Variants in SH2D4B observed in about 807,000 individuals in gnomAD.
SH2D4B encodes SH2 domain-containing protein 4B.
In SH2D4B, 45 loss-of-function variants were observed where a neutral mutation model predicts 61.5. The ratio of observed to expected loss-of-function variants is 0.73; its 90% CI spans 0.58 to 0.94. The LOEUF (loss-of-function observed/expected upper bound fraction) is 0.94. Among genes scored for constraint, SH2D4B ranks in the 40% least tolerant of loss-of-function variants. SH2D4B has a pLI of 0.00. For synonymous variants in SH2D4B, 224 were observed against 220.4 expected, an observed-to-expected ratio of 1.02 and a Z score of -0.14; for missense variants, 572 against 574.2, an observed-to-expected ratio of 1.00 and a Z score of 0.04.
chr10:80,605,165 CT>C (rs34324568), intron 5 of SH2D4B, among the ~76,000 whole-genome samples: 7 of 149,384 alleles, frequency 4.7e-5, no homozygotes, highest in South Asian at 4.2e-4. Flanking sequence ...TATTCCTCCT[CT>C]TTTTTTTTTG....
intron 6 of SH2D4B, among the ~76,000 whole-genome samples, chr10:80,622,530 C>G (rs1180059451): frequency 1.3e-5 from 2 of 152,208 alleles, no homozygotes; most frequent in Non-Finnish European, 2.9e-5. Flanking sequence ...CAGGCTCTGT[C>G]CCTTCCCCAT....
Position 80,603,570 on chromosome 10 carries a change from T to C in SH2D4B, c.644-9T>C. The C allele has an allele frequency of 6.5e-7, 1 of 1,537,094 alleles. No homozygotes were observed. The highest frequency in any genetic ancestry group is 1.2e-5 in the South Asian group (1 of 83,042). ...GATCTGGGCTAACGTGCTGTCTTCC[T>C]CTTTCCAGTGCGCCGGTCCAAGGCG... On this transcript the variant is annotated splice_polypyrimidine_tract_variant and intron_variant, in intron 4 of 7. Transcript: ENST00000646907.
At chr10:80,556,881 A>T (rs549871309) in intron 1 of SH2D4B, among the ~76,000 whole-genome samples, 5 of 152,194 alleles carry the variant, frequency 3.3e-5, no homozygotes, top group African/African-American at 1.2e-4. Context: ...AATATTCACA[A>T]CTTTTATTTA....
chr10:80,560,137 G>T (rs536212031), intron 1 of SH2D4B, among the ~76,000 whole-genome samples: 5 of 151,040 alleles, frequency 3.3e-5, no homozygotes, highest in Non-Finnish European at 7.4e-5. Context: ...ACAGGTGCCC[G>T]CCACCTCGCC....
intron 3 of SH2D4B, among the ~76,000 whole-genome samples, chr10:80,578,021 A>G (rs146614299): frequency 6.6e-6 from 1 of 151,412 alleles, no homozygotes; most frequent in Non-Finnish European, 1.5e-5. Flanking sequence ...CCCAGGCCAG[A>G]GTGCAGTGGC....
At chr10:80,629,180 T>C (rs73309290) in intron 6 of SH2D4B, among the ~76,000 whole-genome samples, 5,943 of 152,168 alleles carry the variant, frequency 0.039, 295 homozygotes, top group African/African-American at 0.12. Context: ...CTCAGGAAGC[T>C]TCCTATCCAT....
intron 4 of SH2D4B, 77 bp from the exon 5 acceptor site, chr10:80,603,502 A>G (rs1273653184): frequency 1.0e-5 from 14 of 1,351,304 alleles, no homozygotes; most frequent in Non-Finnish European, 1.0e-5. Context: ...CACCAACCAA[A>G]TACTTCCTGT....
intron 3 of SH2D4B, among the ~76,000 whole-genome samples, chr10:80,582,311 T>G (rs1842192431): frequency 6.6e-6 from 1 of 152,204 alleles, no homozygotes; most frequent in African/African-American, 2.4e-5. Context: ...CAGCCAGGGT[T>G]GCCCCTAGGG....
At chr10:80,633,987 T>C (rs1273494028) in intron 6 of SH2D4B, among the ~76,000 whole-genome samples, 7 of 152,236 alleles carry the variant, frequency 4.6e-5, no homozygotes, top group African/African-American at 1.4e-4. Flanking sequence ...AATTCCTTGC[T>C]TACCCAATTA....
intron 7 of SH2D4B, among the ~76,000 whole-genome samples, chr10:80,641,829 A>G (rs1229364365): frequency 6.6e-6 from 1 of 152,210 alleles, no homozygotes; most frequent in Non-Finnish European, 1.5e-5. Flanking sequence ...TCTAACACTA[A>G]GGAGAGATAT....
chr10:80,579,281 A>G (rs1030318722), intron 3 of SH2D4B, among the ~76,000 whole-genome samples: 6 of 152,160 alleles, frequency 3.9e-5, no homozygotes, highest in African/African-American at 1.4e-4. Context: ...CAGAATCTTT[A>G]TATTGGGTTA....
intron 1 of SH2D4B, among the ~76,000 whole-genome samples, chr10:80,541,767 G>A (rs559627437): frequency 1.3e-5 from 2 of 152,318 alleles, no homozygotes; most frequent in South Asian, 4.1e-4. Flanking sequence ...CACTGGTGAT[G>A]TGAATCATTC....
At chr10:80,554,792 A>G (rs562495555) in intron 1 of SH2D4B, among the ~76,000 whole-genome samples, 3 of 152,072 alleles carry the variant, frequency 2.0e-5, no homozygotes, top group Admixed American at 1.3e-4. Context: ...GGTGGATCAC[A>G]AGGTCAGGAG....
intron 3 of SH2D4B, among the ~76,000 whole-genome samples, chr10:80,572,987 T>TATATATATGTA (rs1491317353): frequency 4.4e-4 from 2 of 4,546 alleles, no homozygotes; most frequent in African/African-American, 1.5e-3. Flanking sequence ...TATATATATA[T>TATATATATGTA]TTTTTTTTTT....
chr10:80,570,291 G>A lies in SH2D4B; in HGVS notation c.322G>A (p.Ala108Thr). The change falls in exon 2 of 8, where the codon GCA becomes ACA. Residue 108 changes from alanine (A) to threonine (T), a missense_variant. Transcript: ENST00000646907. ...GATTGCAGAGAGGGCGCGGCTGCAGGCACAGAGGGAAGCTGAGGAGCTCTG... is the reference window on the plus strand; with the variant it reads ...GATTGCAGAGAGGGCGCGGCTGCAGACACAGAGGGAAGCTGAGGAGCTCTG... ...ELIAERARLQ[A>T]QREAEELWRQ... 5.0e-6 allele frequency: 8 copies of A among 1,613,490 alleles called. No individual in the cohort carries two copies. The highest frequency in any genetic ancestry group is 6.8e-6 in the Non-Finnish European group (8 of 1,179,960).
intron 6 of SH2D4B, among the ~76,000 whole-genome samples, chr10:80,613,202 T>G (rs1842620832): frequency 6.6e-6 from 1 of 152,216 alleles, no homozygotes; most frequent in African/African-American, 2.4e-5. Flanking sequence ...AGAGTGATAG[T>G]AATTCCTTGT....
rs1842290041 is a variant in SH2D4B, at chr10:80,588,776, G to T, written c.642G>T (p.Gln214His). The T allele has an allele frequency of 6.2e-7, 1 of 1,613,944 alleles. No individual in the cohort carries two copies. The highest frequency in any genetic ancestry group is 1.3e-5 in the African/African-American group (1 of 75,046). Residue 214 changes from glutamine to histidine, a missense_variant and splice_region_variant, in exon 4 of 8, where the codon CAG becomes CAT. By Grantham distance (24) the Gln-to-His change is conservative. Coordinates refer to ENST00000646907, the MANE Select transcript of SH2D4B (RefSeq NM_001388272.1). Reference protein sequence around the residue: ...SEKEEREWEEQLRRSKAADEE... With the variant: ...SEKEEREWEEHLRRSKAADEE... The stretch of plus-strand genomic sequence containing the variant: ...AAGAGGAGCGAGAGTGGGAAGAACA[G>T]TGTGAGTAGAGCTTGTGCCTCAGGC...
intron 1 of SH2D4B, among the ~76,000 whole-genome samples, chr10:80,540,540 C>T (rs947745961): frequency 2.0e-5 from 3 of 152,132 alleles, no homozygotes; most frequent in Admixed American, 6.5e-5. Flanking sequence ...AGAAGTGATG[C>T]GCTACATCCA....
At chr10:80,628,675 G>A (rs998528087) in intron 6 of SH2D4B, among the ~76,000 whole-genome samples, 1 of 152,144 alleles carries the variant, frequency 6.6e-6, no homozygotes, top group Non-Finnish European at 1.5e-5. Context: ...CTTTGGTTTT[G>A]TGCCAAATTG....
Sources: allele counts gnomAD v4.1 joint callset (sites outside exome capture counted in the v4.1 genomes callset), GRCh38; gene constraint gnomAD v4.1.1; transcripts MANE v1.5; gene names NCBI Gene and HGNC (gene_info 2026-07-23, HGNC 2026-07-21).